The following RGS9 variants were observed in gnomAD, a reference collection of about 807,000 sequenced individuals.
RGS9 encodes regulator of G protein signaling 9.
Under a neutral mutation model 102.0 loss-of-function variants are expected in RGS9, and 78 were observed. That is an observed-to-expected ratio of 0.76 (90% CI 0.64 to 0.92). The LOEUF is 0.92. RGS9 is among the 40% of genes least tolerant of loss of function. The pLI, the probability that RGS9 is intolerant of heterozygous loss-of-function variation, is 0.00. For missense variants in RGS9, 833 were observed against 866.1 expected (o/e 0.96, Z 0.48); for synonymous variants, 353 against 318.6 (o/e 1.11, Z -1.15).
At chr17:65,217,817 T>C (rs1475495663) in intron 17 of RGS9, among the ~76,000 whole-genome samples, 2 of 151,998 alleles carry the variant, frequency 1.3e-5, no homozygotes, top group South Asian at 2.1e-4. Context: ...TGGAGAGGAA[T>C]AGTTTACTCT....
At chr17:65,202,552 C>T (rs772516445) in intron 14 of RGS9, among the ~76,000 whole-genome samples, 109 of 152,064 alleles carry the variant, frequency 7.2e-4, no homozygotes, top group Middle Eastern at 6.8e-3. Context: ...GGGAAGGGAG[C>T]TCCTCCCACA....
chr17:65,191,369 T>A (rs1428778407), intron 11 of RGS9, among the ~76,000 whole-genome samples: 2 of 150,882 alleles, frequency 1.3e-5, no homozygotes, highest in Admixed American at 6.6e-5. Flanking sequence ...GTGAACCAGT[T>A]TTTTTTTTTG....
At position 65,173,852 on chromosome 17, in the gene RGS9, A is replaced by T. The variant is rs996954821; in HGVS notation, c.583-3880A>T. The stretch of plus-strand genomic sequence containing the variant: ...GATGAATGAAGAAATGGATGAATGA[A>T]AGGAGCTTGGGAGTCTCTGAAACCA... On this transcript the variant is annotated intron_variant, in intron 8 of 18. Transcript: ENST00000262406. This position sits in a 1 kb window ranked among gnomAD's most constrained non-coding sequence, Gnocchi z 4.8. Among the ~76,000 whole-genome samples the T allele has an allele frequency of 1.3e-5, 2 of 151,548 alleles. No individual in the cohort carries two copies. The highest frequency in any genetic ancestry group is 6.6e-5 in the Admixed American group (1 of 15,264).
chr17:65,203,311 C>T (rs2144094928), intron 14 of RGS9, among the ~76,000 whole-genome samples: 1 of 152,190 alleles, frequency 6.6e-6, no homozygotes, highest in South Asian at 2.1e-4. Flanking sequence ...GGCTGTCGGT[C>T]CGGGAAGCTT....
At position 65,225,224 on chromosome 17, in the gene RGS9, G is replaced by C. The variant is rs115768099; in HGVS notation, c.1630G>C (p.Gly544Arg). The change falls in exon 18 of 19, where the codon GGG (glycine) becomes CGG (arginine). Residue 544 changes from glycine (G) to arginine (R), a missense_variant. Physicochemically the swap from Gly to Arg is moderately radical, Grantham distance 125 (BLOSUM62 -2). Transcript: ENST00000262406. ...SGLEQKGECSGSMAPRGPSVT... is the reference protein window; with the variant it reads ...SGLEQKGECSRSMAPRGPSVT... ...CTTGGAGCAGAAAGGGGAGTGCAGCGGGTCCATGGCCCCCCGTGGGCCCTC... is the reference window on the plus strand; with the variant it reads ...CTTGGAGCAGAAAGGGGAGTGCAGCCGGTCCATGGCCCCCCGTGGGCCCTC... The C allele has an allele frequency of 6.2e-7, 1 of 1,612,068 alleles. No homozygotes were observed. Among genetic ancestry groups the C allele is most frequent in the Admixed American group, 1.7e-5 (1 of 60,032 alleles).
intron 3 of RGS9, 28 bp downstream of exon 3, chr17:65,158,373 C>T (rs769015425): frequency 1.8e-5 from 29 of 1,607,392 alleles, no homozygotes; most frequent in Admixed American, 1.7e-4. Context: ...ACTCAGTTAT[C>T]CGGGACAGCT....
At chr17:65,177,174 C>T (rs1206649508) in intron 8 of RGS9, among the ~76,000 whole-genome samples, 1 of 151,628 alleles carries the variant, frequency 6.6e-6, no homozygotes, top group Non-Finnish European at 1.5e-5. Context: ...ATCCATCCAT[C>T]CACCCATCCA....
Position 65,160,533 on chromosome 17 carries a change from CA to C in RGS9, c.313-2del. The C allele has an allele frequency of 6.2e-7, 1 of 1,614,186 alleles. No homozygotes were observed. Among genetic ancestry groups the C allele is most frequent in the Non-Finnish European group, 8.5e-7 (1 of 1,180,002 alleles). On this transcript the variant is annotated splice_acceptor_variant, in intron 4 of 18. Transcript: ENST00000262406. LOFTEE classifies it high-confidence loss of function. Reference sequence around the variant, plus strand: ...AGCGTGGTTTCCCTGGTTTCTTTTGCAGACACCGTATTTCTGGCCCACCCAG... The same window carrying C: ...AGCGTGGTTTCCCTGGTTTCTTTTGCGACACCGTATTTCTGGCCCACCCAG...
intron 9 of RGS9, chr17:65,185,339 T>C (rs998325317): frequency 8.5e-5 from 13 of 152,326 alleles, no homozygotes; most frequent in African/African-American, 3.1e-4. Flanking sequence ...GATGGAGTTT[T>C]TTTAGATCTT....
Position 65,163,075 on chromosome 17 carries a change from C to A in RGS9, c.486C>A (p.Ala162=). The change falls in exon 7 of 19, where the codon GCC becomes GCA. Residue 162 remains alanine (A), a synonymous_variant. Transcript: ENST00000262406. ...AGTGGGACTTTGTCATTATGCAGGC[C>A]AAAGAGCAGTACAGGTGAGTGAAAG... ...NYKWDFVIMQ[A]KEQYRAGKER... is the part of the protein sequence containing the mutation. The A allele has an allele frequency of 6.3e-7, 1 of 1,598,132 alleles. No individual in the cohort carries two copies. Among genetic ancestry groups the A allele is most frequent in the Non-Finnish European group, 8.6e-7 (1 of 1,167,290 alleles).
chr17:65,142,270 AAAACAAAC>A (rs749710590), intron 1 of RGS9, among the ~76,000 whole-genome samples: 1 of 152,142 alleles, frequency 6.6e-6, no homozygotes, highest in Non-Finnish European at 1.5e-5. Flanking sequence ...CCAAAAACCA[AAAACAAAC>A]AAACAAAAAG....
chr17:65,200,893 A>G (rs1912806561), intron 13 of RGS9, among the ~76,000 whole-genome samples: 1 of 152,232 alleles, frequency 6.6e-6, no homozygotes, highest in South Asian at 2.1e-4. Flanking sequence ...ATATGTAGAT[A>G]CATATCCACT....
At chr17:65,153,791 G>C (rs1010641527) in intron 2 of RGS9, among the ~76,000 whole-genome samples, 6 of 152,210 alleles carry the variant, frequency 3.9e-5, no homozygotes, top group Admixed American at 3.9e-4. Flanking sequence ...TCGGGAGGAT[G>C]AGGCAGGAGA....
Position 65,204,192 on chromosome 17 carries a change from G to A in RGS9, c.1094G>A (p.Trp365Ter), listed in dbSNP as rs773315039. The change falls in exon 15 of 19, where the codon TGG (tryptophan) becomes TAG (stop). Residue 365 changes from tryptophan (W) to a stop codon, truncating the protein, a stop_gained. Transcript: ENST00000262406. LOFTEE classifies it high-confidence loss of function. ...KLFLAPGARR[W>*]INIDGKTMDI... The stretch of plus-strand genomic sequence containing the variant: ...TTCCTGGCCCCGGGGGCGAGGCGCT[G>A]GATCAACATAGATGGCAAAACCATG... 4 of 1,612,908 alleles carry A rather than the reference G, an allele frequency of 2.5e-6. No homozygotes were observed. The highest frequency in any genetic ancestry group is 3.4e-6 in the Non-Finnish European group (4 of 1,180,012).
At chr17:65,177,327 A>G (rs1911682564) in intron 8 of RGS9, among the ~76,000 whole-genome samples, 1 of 151,378 alleles carries the variant, frequency 6.6e-6, no homozygotes, top group African/African-American at 2.4e-5. Context: ...CTGTCTGGCC[A>G]TCCATCCATC....
At chr17:65,158,189 T>G (rs1271259485) in intron 2 of RGS9, 106 bp from the exon 3 acceptor site, 1 of 1,040,848 alleles carries the variant, frequency 9.6e-7, no homozygotes, top group African/African-American at 1.6e-5. Flanking sequence ...CGAAGAGGAA[T>G]GAAATCGCAG....
In RGS9 at chr17:65,190,168, C is replaced by G. The variant is rs1912311372; in HGVS notation, c.685-7C>G. On this transcript the variant is annotated splice_polypyrimidine_tract_variant and splice_region_variant and intron_variant, in intron 10 of 18. Coordinates refer to ENST00000262406, the MANE Select transcript of RGS9 (RefSeq NM_003835.4). ...TGAATACCTTCTAACAACTGTGTCT[C>G]TTCCAGATCATGTATTACCAACAGG... is the stretch of plus-strand genomic sequence containing the variant. 6.2e-7 allele frequency: 1 copy of G among 1,611,716 alleles called. No homozygotes were observed. Among genetic ancestry groups the G allele is most frequent in the Non-Finnish European group, 8.5e-7 (1 of 1,177,818 alleles).
At chr17:65,206,068 T>C (rs75017401) in intron 15 of RGS9, among the ~76,000 whole-genome samples, 11,099 of 152,248 alleles carry the variant, frequency 0.073, 483 homozygotes, top group Middle Eastern at 0.13. Flanking sequence ...TTATGTGATA[T>C]AGGTTATATG....
intron 11 of RGS9, 28 bp from the exon 12 acceptor site, chr17:65,193,515 A>G (rs368320274): frequency 6.9e-7 from 1 of 1,454,032 alleles, no homozygotes; most frequent in African/African-American, 1.4e-5. Context: ...TCGAGCTTCT[A>G]GGAAATCATT....
Sources: gnomAD v4.1 joint callset for allele counts (sites outside exome capture counted in the v4.1 genomes callset) on GRCh38, gnomAD v4.1.1 for gene constraint, Gnocchi (gnomAD v3.1) non-coding constraint, MANE v1.5 for transcripts, NCBI Gene and HGNC (gene_info 2026-07-23, HGNC 2026-07-21) for gene names.